Variants in RASGEF1C observed in about 807,000 individuals in gnomAD.
The protein encoded by RASGEF1C is ras-GEF domain-containing family member 1C.
RASGEF1C carries 27 observed loss-of-function variants against 58.1 expected under a neutral mutation model. That is an observed-to-expected ratio of 0.46 (90% CI 0.34 to 0.64). RASGEF1C has a LOEUF of 0.64. Among genes scored for constraint, RASGEF1C ranks in the 30% least tolerant of loss-of-function variants. The pLI is 0.01. For synonymous variants in RASGEF1C, 243 were observed against 246.3 expected (o/e 0.99, Z 0.13); for missense variants, 502 against 605.1 (o/e 0.83, Z 1.79).
intron 13 of RASGEF1C, 128 bp downstream of exon 13, chr5:180,101,943 T>G (rs1582255691): frequency 1.5e-6 from 1 of 687,078 alleles, no homozygotes. Context: ...GTGAGCCGGG[T>G]ATCTCTGAAG....
intron 4 of RASGEF1C, among the ~76,000 whole-genome samples, chr5:180,131,217 G>T (rs554828157): frequency 6.6e-6 from 1 of 152,104 alleles, no homozygotes; most frequent in Non-Finnish European, 1.5e-5. Flanking sequence ...ATGCCTCCAT[G>T]GCTTGTGCAA....
chr5:180,119,496 C>T, intron 7 of RASGEF1C, 48 bp from the exon 8 acceptor site: 2 of 1,457,732 alleles, frequency 1.4e-6, no homozygotes, highest in South Asian at 1.1e-5. Flanking sequence ...CTCCACCCTG[C>T]CCTGATCAGG....
intron 1 of RASGEF1C, among the ~76,000 whole-genome samples, chr5:180,203,906 T>A (rs1250674750): frequency 6.6e-6 from 1 of 151,326 alleles, no homozygotes; most frequent in Non-Finnish European, 1.5e-5. Flanking sequence ...GGCAGGAGAG[T>A]CGCTTGAACC....
chr5:180,124,518 T>G (rs986397635), intron 6 of RASGEF1C, among the ~76,000 whole-genome samples: 1 of 152,134 alleles, frequency 6.6e-6, no homozygotes, highest in Non-Finnish European at 1.5e-5. Context: ...AAATGCAAAG[T>G]TGGTTCAACA....
chr5:180,158,284 C>G lies in RASGEF1C; in HGVS notation c.-6-20226G>C, dbSNP rs1363495543. ...ACCTTTCACCATCCTCCAAGAGATT[C>G]CTTCTCCTTTATGTGTTGGGCTCCC... On this transcript the variant is annotated intron_variant, in intron 1 of 13. Coordinates refer to ENST00000361132, the MANE Select transcript of RASGEF1C (RefSeq NM_175062.4). This position sits in a 1 kb window ranked among gnomAD's most constrained non-coding sequence, Gnocchi z 4.0. Among the ~76,000 whole-genome samples, 1 of 152,130 alleles carries G rather than the reference C, an allele frequency of 6.6e-6. No homozygotes were observed. Among genetic ancestry groups the G allele is most frequent in the Non-Finnish European group, 1.5e-5 (1 of 68,028 alleles).
At chr5:180,141,145 A>G (rs1369082421) in intron 1 of RASGEF1C, among the ~76,000 whole-genome samples, 2 of 152,240 alleles carry the variant, frequency 1.3e-5, no homozygotes, top group Non-Finnish European at 2.9e-5. Flanking sequence ...ACAAAAAGGT[A>G]GCATACTGTC....
intron 1 of RASGEF1C, among the ~76,000 whole-genome samples, chr5:180,174,434 GTGTGTC>G (rs1441709540): frequency 0.15 from 22,730 of 149,310 alleles, 1,831 homozygotes; most frequent in African/African-American, 0.22. Flanking sequence ...GTGCACACGT[GTGTGTC>G]TGTGCATGTG....
intron 1 of RASGEF1C, among the ~76,000 whole-genome samples, chr5:180,139,523 G>A (rs1211601194): frequency 6.6e-6 from 1 of 152,254 alleles, no homozygotes; most frequent in Non-Finnish European, 1.5e-5. Context: ...GGGTGTGGGA[G>A]GTGCTGGGAC....
intron 1 of RASGEF1C, among the ~76,000 whole-genome samples, chr5:180,191,660 T>A (rs1240934153): frequency 6.6e-6 from 1 of 152,166 alleles, no homozygotes; most frequent in Non-Finnish European, 1.5e-5. Flanking sequence ...CCGGCCACAG[T>A]GGCTTATTTA....
chr5:180,119,404 G>A lies in RASGEF1C; in HGVS notation c.849C>T (p.Ile283=), dbSNP rs751357447. The change falls in exon 8 of 14, where the codon ATC becomes ATT. Residue 283 remains isoleucine, a synonymous_variant. Transcript: ENST00000361132. ...TGTTGAAGCACTCGCGGGCCACGTCGATGAAGAACTCAATCACCTGGGCCC... is the reference window on the plus strand; with the variant it reads ...TGTTGAAGCACTCGCGGGCCACGTCAATGAAGAACTCAATCACCTGGGCCC... ...KQRAQVIEFF[I]DVARECFNIG... 103 of 1,614,044 alleles carry A rather than the reference G, an allele frequency of 6.4e-5. No individual in the cohort carries two copies. Among genetic ancestry groups the A allele is most frequent in the South Asian group, 3.8e-4 (35 of 91,084 alleles).
intron 1 of RASGEF1C, among the ~76,000 whole-genome samples, chr5:180,175,418 G>A (rs1028921037): frequency 1.3e-5 from 2 of 152,200 alleles, no homozygotes; most frequent in Admixed American, 6.5e-5. Flanking sequence ...TTCAAGCAGA[G>A]AAGGAGTCTC....
Position 180,111,504 on chromosome 5 carries a change from G to A in RASGEF1C, c.1256C>T (p.Ala419Val). 1.2e-6 allele frequency: 2 copies of A among 1,614,224 alleles called. No homozygotes were observed. ...GGTGTACAGGTAGTGGGTGATGCTG[G>A]CGTCTTGCTCGAAGGGACACTCCAC... is the stretch of plus-strand genomic sequence containing the variant. Reference protein sequence around the residue: ...KQVECPFEQDASITHYLYTAP... With the variant: ...KQVECPFEQDVSITHYLYTAP... Residue 419 changes from alanine (A) to valine (V), a missense_variant, in exon 12 of 14, where the codon GCC (alanine) becomes GTC (valine). Ala to Val is a moderately conservative substitution (Grantham distance 64). Coordinates refer to ENST00000361132, the MANE Select transcript of RASGEF1C (RefSeq NM_175062.4).
At chr5:180,205,171 A>C (rs1259169320) in intron 1 of RASGEF1C, among the ~76,000 whole-genome samples, 1 of 152,228 alleles carries the variant, frequency 6.6e-6, no homozygotes, top group African/African-American at 2.4e-5. Context: ...CCTGGGTGAC[A>C]GAGCGAGACT....
rs368641728 is a variant in RASGEF1C, at chr5:180,128,718, G to A, written c.439-108C>T. On this transcript the variant is annotated intron_variant, in intron 4 of 13. Transcript: ENST00000361132. ...CCAAAGGGAGGGTCTTTTCCTCAGG[G>A]TCTCTGGAGAAAAGGCCAGGTACCA... 1.1e-4 allele frequency: 129 copies of A among 1,141,678 alleles called. No individual in the cohort carries two copies. In the African/African-American group the frequency reaches 1.4e-3, roughly 12 times the overall value. The allele number at this position is 1,141,678 out of a possible 1,614,324, so 70.7% of individuals were successfully genotyped here.
At chr5:180,196,593 GTGTT>G (rs1756283563) in intron 1 of RASGEF1C, among the ~76,000 whole-genome samples, 1 of 152,082 alleles carries the variant, frequency 6.6e-6, no homozygotes, top group African/African-American at 2.4e-5. Context: ...GTCTTTTGGG[GTGTT>G]TGTTCATTTT....
chr5:180,189,005 T>C (rs886944800), intron 1 of RASGEF1C, among the ~76,000 whole-genome samples: 1 of 152,212 alleles, frequency 6.6e-6, no homozygotes, highest in South Asian at 2.1e-4. Flanking sequence ...GGAATAAAAC[T>C]GTTTTTATCT....
At chr5:180,107,155 A>G (rs191763935) in intron 12 of RASGEF1C, among the ~76,000 whole-genome samples, 38 of 152,256 alleles carry the variant, frequency 2.5e-4, no homozygotes, top group Non-Finnish European at 3.8e-4. Flanking sequence ...TGTCTCTATC[A>G]TTATAGTGAA....
At chr5:180,192,317 C>A (rs1287236557) in intron 1 of RASGEF1C, among the ~76,000 whole-genome samples, 1 of 152,188 alleles carries the variant, frequency 6.6e-6, no homozygotes, top group Non-Finnish European at 1.5e-5. Context: ...ACACCCACAG[C>A]ACGGATACGT....
At chr5:180,174,387 G>T (rs1767173963) in intron 1 of RASGEF1C, among the ~76,000 whole-genome samples, 1 of 152,142 alleles carries the variant, frequency 6.6e-6, no homozygotes, top group African/African-American at 2.4e-5. Context: ...CCTTGTCAGA[G>T]ATGCATGTGT....
Sources: gnomAD v4.1 joint callset for allele counts (sites outside exome capture counted in the v4.1 genomes callset) on GRCh38, gnomAD v4.1.1 for gene constraint, Gnocchi (gnomAD v3.1) non-coding constraint, MANE v1.5 for transcripts, NCBI Gene and HGNC (gene_info 2026-07-23, HGNC 2026-07-21) for gene names.